NTRK3: variants seen among roughly 807,000 people sequenced by gnomAD.
The protein encoded by NTRK3 is neurotrophic receptor tyrosine kinase 3.
In NTRK3, 24 loss-of-function variants were observed where a neutral mutation model predicts 91.7. The observed-to-expected ratio is 0.26, with a 90% CI of 0.19 to 0.37. The LOEUF is 0.37. Ranked by LOEUF, NTRK3 falls within the 10% of genes least tolerant of loss-of-function variation. The pLI is 1.00. For missense variants in NTRK3, 880 were observed against 1,068.9 expected (o/e 0.82, Z 2.46); for synonymous variants, 483 against 404.0 (o/e 1.20, Z -2.34).
intron 7 of NTRK3, 39 bp from the exon 8 acceptor site, chr15:88,136,648 A>G (rs184632140): frequency 2.5e-6 from 4 of 1,600,942 alleles, no homozygotes; most frequent in Non-Finnish European, 3.4e-6. Context: ...ACAGGCAAAC[A>G]CTTACTACCC....
chr15:87,971,025 G>A (rs2141272622), intron 14 of NTRK3, among the ~76,000 whole-genome samples: 1 of 152,246 alleles, frequency 6.6e-6, no homozygotes, highest in East Asian at 1.9e-4. Context: ...TTGGCCATTT[G>A]GTATCAGAGG....
chr15:88,154,871 CTG>C (rs1244583286), intron 5 of NTRK3, among the ~76,000 whole-genome samples: 4 of 152,212 alleles, frequency 2.6e-5, no homozygotes, highest in Admixed American at 6.5e-5. Flanking sequence ...ACCTGGCAAA[CTG>C]TGTCTCTCAA....
At chr15:88,127,027 G>A in intron 12 of NTRK3, 135 bp downstream of exon 12, 2 of 798,462 alleles carry the variant, frequency 2.5e-6, no homozygotes, top group Non-Finnish European at 4.3e-6. Context: ...TAAACTGCCT[G>A]AACGTAGTTC....
intron 3 of NTRK3, among the ~76,000 whole-genome samples, chr15:88,248,660 T>C (rs994470698): frequency 6.6e-6 from 1 of 152,068 alleles, no homozygotes; most frequent in African/African-American, 2.4e-5. Context: ...TGAAATTAAG[T>C]GAGTTAAGTT....
At chr15:87,930,210 G>C (rs2068671069) in intron 16 of NTRK3, among the ~76,000 whole-genome samples, 1 of 152,136 alleles carries the variant, frequency 6.6e-6, no homozygotes, top group Non-Finnish European at 1.5e-5. Context: ...CATGGGTCTG[G>C]GGTACCCCCA....
At chr15:88,044,201 C>T (rs1240076245) in intron 13 of NTRK3, among the ~76,000 whole-genome samples, 1 of 150,482 alleles carries the variant, frequency 6.6e-6, no homozygotes, top group African/African-American at 2.4e-5. Flanking sequence ...CCTAAGGTCA[C>T]ACAGCTAGTA....
intron 17 of NTRK3, 156 bp downstream of exon 17, chr15:87,929,035 T>C: frequency 1.9e-6 from 2 of 1,037,464 alleles, no homozygotes; most frequent in East Asian, 4.8e-5. Context: ...TATGTCAAGA[T>C]GCAAGAGAGG....
At chr15:88,156,962 A>G (rs1396178261) in intron 5 of NTRK3, among the ~76,000 whole-genome samples, 1 of 152,146 alleles carries the variant, frequency 6.6e-6, no homozygotes, top group Non-Finnish European at 1.5e-5. Flanking sequence ...ATTTCTTTCT[A>G]CACAGCAACC....
At chr15:87,876,923 C>T (rs2141434289) in exon 19 of NTRK3, 1 of 1,613,604 alleles carries the variant, frequency 6.2e-7, no homozygotes, top group South Asian at 1.1e-5. Flanking sequence ...AATTCATGAC[C>T]ACCAGCCACC....
intron 13 of NTRK3, among the ~76,000 whole-genome samples, chr15:88,063,384 C>T (rs62022269): frequency 0.01 from 1,579 of 152,332 alleles, 21 homozygotes; most frequent in Non-Finnish European, 0.016. Flanking sequence ...TACAAATTTC[C>T]AATCTGTCTG....
intron 13 of NTRK3, among the ~76,000 whole-genome samples, chr15:88,036,972 G>C (rs749785051): frequency 6.6e-6 from 1 of 152,200 alleles, no homozygotes; most frequent in Non-Finnish European, 1.5e-5. Flanking sequence ...ATAGCAAGTA[G>C]TCAATGAAAT....
At chr15:88,218,082 G>T (rs1163376352) in intron 3 of NTRK3, among the ~76,000 whole-genome samples, 2 of 152,078 alleles carry the variant, frequency 1.3e-5, no homozygotes, top group African/African-American at 4.8e-5. Context: ...CCACTGTGGG[G>T]GCCCAGAACA....
chr15:88,182,639 A>G (rs2046587563), intron 5 of NTRK3, among the ~76,000 whole-genome samples: 1 of 152,160 alleles, frequency 6.6e-6, no homozygotes, highest in Non-Finnish European at 1.5e-5. Flanking sequence ...GTTGACCCAG[A>G]CAACAAATAC....
intron 13 of NTRK3, among the ~76,000 whole-genome samples, chr15:88,103,516 C>T (rs947819043): frequency 2.0e-5 from 3 of 152,076 alleles, no homozygotes; most frequent in African/African-American, 4.8e-5. Flanking sequence ...ACCAGAGTGG[C>T]GAAAGATGGG....
intron 16 of NTRK3, among the ~76,000 whole-genome samples, chr15:87,930,329 G>A (rs750966508): frequency 3.3e-5 from 5 of 152,294 alleles, no homozygotes; most frequent in Non-Finnish European, 7.4e-5. Flanking sequence ...CCAGTGAGCC[G>A]TAACCACACC....
At chr15:88,047,636 C>T (rs1279146680) in intron 13 of NTRK3, among the ~76,000 whole-genome samples, 1 of 152,170 alleles carries the variant, frequency 6.6e-6, no homozygotes, top group African/African-American at 2.4e-5. Context: ...ATCCATTAAC[C>T]TAACAATGGT....
intron 10 of NTRK3, among the ~76,000 whole-genome samples, chr15:88,133,670 T>C (rs1179999769): frequency 6.6e-6 from 1 of 152,222 alleles, no homozygotes; most frequent in Non-Finnish European, 1.5e-5. Context: ...ATCTCTGCTC[T>C]AAAAGCCTCT....
At chr15:88,225,727 T>G (rs1378652666) in intron 3 of NTRK3, among the ~76,000 whole-genome samples, 1 of 152,152 alleles carries the variant, frequency 6.6e-6, no homozygotes, top group African/African-American at 2.4e-5. Flanking sequence ...ACCAGATCCA[T>G]GCAGACCAGA....
rs147170484 is a variant in NTRK3, at chr15:87,884,012, C to T, written c.2134-3584G>A. Among the ~76,000 whole-genome samples the T allele has an allele frequency of 8.6e-3, 1,231 of 142,740 alleles. 20 individuals carry two copies. Among genetic ancestry groups the T allele is most frequent in the African/African-American group, 0.029 (1,146 of 39,368 alleles). The allele number at this position is 142,740 out of a possible 152,430, so 93.6% of individuals were successfully genotyped here. A position where few individuals can be genotyped will look rare whatever the true frequency, so the allele number is the denominator to read the frequency against. On this transcript the variant is annotated intron_variant, in intron 17 of 18. Transcript: ENST00000394480. ...GAAAAAAAAAAAGGCAGTAAAGATC[C>T]ACTAAACAAATGCAAGAAAAGTAAG...
Sources: allele counts gnomAD v4.1 joint callset (sites outside exome capture counted in the v4.1 genomes callset), GRCh38; gene constraint gnomAD v4.1.1; transcripts MANE v1.5; gene names NCBI Gene and HGNC (gene_info 2026-07-23, HGNC 2026-07-21).